MEIOC: variants seen among roughly 807,000 people sequenced by gnomAD.
The protein encoded by MEIOC is meiosis-specific coiled-coil domain-containing protein MEIOC.
A neutral mutation model predicts 85.3 loss-of-function variants in MEIOC; 9 were observed. That is an observed-to-expected ratio of 0.11 (90% CI 0.06 to 0.18). The LOEUF is 0.18. Ranked by LOEUF, MEIOC falls within the 10% of genes least tolerant of loss-of-function variation. The pLI is 1.00. For synonymous variants in MEIOC, 365 were observed against 393.7 expected, an observed-to-expected ratio of 0.93 and a Z score of 0.86; for missense variants, 898 against 1,129.4, an observed-to-expected ratio of 0.80 and a Z score of 2.94.
chr17:44,658,668 A>C (rs1026728829), intron 2 of MEIOC, among the ~76,000 whole-genome samples: 62 of 151,294 alleles, frequency 4.1e-4, no homozygotes, highest in African/African-American at 1.4e-3. Flanking sequence ...GGGGGCAGGC[A>C]CCTGTAATCC....
chr17:44,675,519 AAAAAG>A lies in MEIOC; in HGVS notation c.*1325_*1329del. ...TTTTAGAAATTCTGGTATTAAAAAAAAAAAGAGTGTAATCATACCACATAAATTTT... is the reference window on the plus strand; with the variant it reads ...TTTTAGAAATTCTGGTATTAAAAAAAAGTGTAATCATACCACATAAATTTT... On this transcript the variant is annotated 3_prime_UTR_variant, in exon 8 of 8. Coordinates refer to ENST00000409122, the MANE Select transcript of MEIOC (RefSeq NM_001145080.3). 1.0e-6 allele frequency: 1 copy of A among 978,970 alleles called. No individual in the cohort carries two copies. The highest frequency in any genetic ancestry group is 1.2e-6 in the Non-Finnish European group (1 of 824,048). 60.6% of individuals were successfully genotyped at this position (978,970 alleles called of 1,614,324 possible). A position where few individuals can be genotyped will look rare whatever the true frequency, so the allele number is the denominator to read the frequency against.
At chr17:44,669,702 A>T in intron 6 of MEIOC, 185 bp downstream of exon 6, 1 of 542,354 alleles carries the variant, frequency 1.8e-6, no homozygotes, top group South Asian at 2.2e-5. Context: ...TCTACTAAAA[A>T]TACAAAAATT....
intron 3 of MEIOC, among the ~76,000 whole-genome samples, chr17:44,664,396 C>T (rs1304152951): frequency 6.6e-6 from 1 of 151,778 alleles, no homozygotes; most frequent in Non-Finnish European, 1.5e-5. Context: ...ACAAACAAAC[C>T]AACAAATAGA....
At chr17:44,656,917 G>C (rs1435562814) in intron 1 of MEIOC, among the ~76,000 whole-genome samples, 1 of 151,858 alleles carries the variant, frequency 6.6e-6, no homozygotes, top group South Asian at 2.1e-4. Context: ...GGCGGTGGCC[G>C]GGGAGGGGCG....
chr17:44,657,431 T>C (rs1285849933), intron 2 of MEIOC, among the ~76,000 whole-genome samples, 170 bp downstream of exon 2: 1 of 141,918 alleles, frequency 7.0e-6, no homozygotes, highest in Non-Finnish European at 1.5e-5. Flanking sequence ...TCTCCTAGGC[T>C]GGAGTGCAGT....
chr17:44,661,245 G>A (rs542547602), intron 2 of MEIOC, among the ~76,000 whole-genome samples: 6 of 122,062 alleles, frequency 4.9e-5, no homozygotes, highest in South Asian at 5.4e-4. Context: ...CCGAGATCTC[G>A]CCACTCTACT....
intron 2 of MEIOC, among the ~76,000 whole-genome samples, chr17:44,658,154 ATT>A (rs71136034): frequency 0.71 from 91,435 of 128,754 alleles, 31,897 homozygotes; most frequent in East Asian, 0.77. Flanking sequence ...CCCAGGAACA[ATT>A]TTTTTTTTTT....
chr17:44,669,986 A>G (rs1971977753), intron 6 of MEIOC: 2 of 154,270 alleles, frequency 1.3e-5, no homozygotes, highest in East Asian at 1.9e-4. Context: ...TATTTAGGAA[A>G]GGGGCTGGGT....
chr17:44,668,146 A>G lies in MEIOC; in HGVS notation c.2235A>G (p.Lys745=), dbSNP rs1353413274. The G allele has an allele frequency of 1.9e-6, 3 of 1,613,878 alleles. No individual in the cohort carries two copies. In the African/African-American group the frequency reaches 4.0e-5, roughly 22 times the overall value. Residue 745 remains lysine, a synonymous_variant, in exon 5 of 8, where the codon AAA becomes AAG. Coordinates refer to ENST00000409122, the MANE Select transcript of MEIOC (RefSeq NM_001145080.3). ...CTTTTGGATTTCAAAGACCAATTAA[A>G]ACCCGTAGTGGACCAGCCAGTGAAC... ...MPTFGFQRPI[K]TRSGPASELH...
chr17:44,657,039 G>A lies in MEIOC; in HGVS notation c.70-88G>A, dbSNP rs372661705. On this transcript the variant is annotated intron_variant, in intron 1 of 7. Coordinates refer to ENST00000409122, the MANE Select transcript of MEIOC (RefSeq NM_001145080.3). ...AGAGGGTTCGGAATTGAGCCGAACA[G>A]CCGAGGTAGAACAGGTGTCGGGCCG... is the stretch of plus-strand genomic sequence containing the variant. 9 of 1,437,204 alleles carry A rather than the reference G, an allele frequency of 6.3e-6. No homozygotes were observed. In the East Asian group the frequency reaches 2.0e-4, roughly 32 times the overall value. 89.0% of individuals were successfully genotyped at this position (1,437,204 alleles called of 1,614,324 possible).
rs1971932852 is a variant in MEIOC at position 44,667,879 on chromosome 17, TGTGAATCGCACACAA to T, written c.1972_1986del (p.Asn658_Val662del). On this transcript the variant is annotated inframe_deletion, in exon 5 of 8. Coordinates refer to ENST00000409122, the MANE Select transcript of MEIOC (RefSeq NM_001145080.3). ...GAACGAGAGGTGGAGACAATAGCCG[TGTGAATCGCACACAA>T]GTGTCATGCTTTTCTAATAATTATA... The T allele has an allele frequency of 6.2e-7, 1 of 1,613,852 alleles. No individual in the cohort carries two copies. The highest frequency in any genetic ancestry group is 8.5e-7 in the Non-Finnish European group (1 of 1,179,878).
rs6416902 is a variant in MEIOC, at chr17:44,674,239, C to T, written c.*43C>T. The stretch of plus-strand genomic sequence containing the variant: ...GAAGAATAAAAAGCTGATAAATATA[C>T]CAAGACATGCTAAAAATGTTTTAAT... On this transcript the variant is annotated 3_prime_UTR_variant, in exon 8 of 8. Coordinates refer to ENST00000409122, the MANE Select transcript of MEIOC (RefSeq NM_001145080.3). 0.9 allele frequency: 1,362,303 copies of T among 1,513,270 alleles called. 613,600 individuals carry two copies. The highest frequency in any genetic ancestry group is 0.93 in the Middle Eastern group (4,258 of 4,556). The allele number at this position is 1,513,270 out of a possible 1,614,324, so 93.7% of individuals were successfully genotyped here. A position where few individuals can be genotyped will look rare whatever the true frequency, so the allele number is the denominator to read the frequency against.
chr17:44,664,488 G>A (rs1971880972), intron 3 of MEIOC, among the ~76,000 whole-genome samples: 1 of 152,172 alleles, frequency 6.6e-6, no homozygotes, highest in Non-Finnish European at 1.5e-5. Flanking sequence ...CTGACATGAT[G>A]CTCAAAACAA....
chr17:44,667,543 T>C lies in MEIOC; in HGVS notation c.1632T>C (p.Ser544=). The C allele has an allele frequency of 6.2e-7, 1 of 1,613,972 alleles. No individual in the cohort carries two copies. The highest frequency in any genetic ancestry group is 8.5e-7 in the Non-Finnish European group (1 of 1,179,866). ...KYCQENPSAF[S]SFDFSYSGAE... ...GCCAAGAAAACCCTTCAGCATTTTC[T>C]AGTTTTGATTTTAGTTACAGTGGTG... Residue 544 remains serine (S), a synonymous_variant, in exon 5 of 8, where the codon TCT becomes TCC. Transcript: ENST00000409122.
chr17:44,657,044 G>T, intron 1 of MEIOC, 83 bp from the exon 2 acceptor site: 1 of 1,454,696 alleles, frequency 6.9e-7, no homozygotes, highest in Admixed American at 2.1e-5. Flanking sequence ...GAACAGCCGA[G>T]GTAGAACAGG....
At chr17:44,673,341 T>C (rs1972036233) in intron 6 of MEIOC, 25 bp from the exon 7 acceptor site, 1 of 1,516,940 alleles carries the variant, frequency 6.6e-7, no homozygotes, top group Non-Finnish European at 8.8e-7. Context: ...ACATGTCTTA[T>C]CAAAATTTAA....
chr17:44,662,346 C>T lies in MEIOC; in HGVS notation c.234C>T (p.Thr78=). The change falls in exon 3 of 8, where the codon ACC becomes ACT. Residue 78 remains threonine (T), a synonymous_variant. Transcript: ENST00000409122. ...QSEDNVDLRQ[T]YTPFSSTEYS... ...AAGACAATGTAGACCTAAGGCAGACCTATACTCCATTTTCTTCAACAGAAT... is the reference window on the plus strand; with the variant it reads ...AAGACAATGTAGACCTAAGGCAGACTTATACTCCATTTTCTTCAACAGAAT... 3 of 1,549,444 alleles carry T rather than the reference C, an allele frequency of 1.9e-6. No individual in the cohort carries two copies. The highest frequency in any genetic ancestry group is 2.6e-6 in the Non-Finnish European group (3 of 1,146,014).
At chr17:44,656,752 G>A (rs1971761768) in intron 1 of MEIOC, 70 bp downstream of exon 1, 6 of 1,312,066 alleles carry the variant, frequency 4.6e-6, no homozygotes, top group Non-Finnish European at 6.1e-6. Flanking sequence ...AGGAGAGGCT[G>A]AGGAGGGGGC....
rs972021014 is a variant in MEIOC, at chr17:44,674,399, A to G, written c.*203A>G. ...TAGTTTTAAGTAAACGCAAAGGTAC[A>G]GTTGACTACTCAGAGTTCTGAGTAG... On this transcript the variant is annotated 3_prime_UTR_variant, in exon 8 of 8. Transcript: ENST00000409122. The G allele has an allele frequency of 1.5e-6, 2 of 1,351,716 alleles. No homozygotes were observed. The highest frequency in any genetic ancestry group is 2.9e-5 in the African/African-American group (2 of 68,488). The allele number at this position is 1,351,716 out of a possible 1,614,324, so 83.7% of individuals were successfully genotyped here.
Sources: gnomAD v4.1 joint callset for allele counts (sites outside exome capture counted in the v4.1 genomes callset) on GRCh38, gnomAD v4.1.1 for gene constraint, MANE v1.5 for transcripts, NCBI Gene and HGNC (gene_info 2026-07-23, HGNC 2026-07-21) for gene names.